NFIA: variants seen among roughly 807,000 people sequenced by gnomAD.
The protein encoded by NFIA is nuclear factor I A.
Under a neutral mutation model 62.8 loss-of-function variants are expected in NFIA, and 8 were observed. The observed-to-expected ratio is 0.13, with a 90% CI of 0.07 to 0.23. The LOEUF (loss-of-function observed/expected upper bound fraction) is 0.23. NFIA is among the 10% of genes least tolerant of loss of function. The pLI, the probability that NFIA is intolerant of heterozygous loss-of-function variation, is 1.00. For synonymous variants in NFIA, 235 were observed against 238.1 expected (o/e 0.99, Z 0.12); for missense variants, 410 against 642.1 (o/e 0.64, Z 3.91).
At chr1:61,247,093 G>A (rs1451366276) in intron 2 of NFIA, among the ~76,000 whole-genome samples, 1 of 152,156 alleles carries the variant, frequency 6.6e-6, no homozygotes, top group Non-Finnish European at 1.5e-5. Context: ...CATTCTTCCA[G>A]CCATCTGCCA....
chr1:61,150,840 A>T (rs911795445), intron 2 of NFIA, among the ~76,000 whole-genome samples: 4 of 152,168 alleles, frequency 2.6e-5, no homozygotes, highest in Non-Finnish European at 5.9e-5. Context: ...TTGGAAATTA[A>T]CAAAGACCAT....
At chr1:61,328,723 A>ATTT (rs35979153) in intron 3 of NFIA, among the ~76,000 whole-genome samples, 7,636 of 108,826 alleles carry the variant, frequency 0.07, 273 homozygotes, top group South Asian at 0.16. Flanking sequence ...CCGGCCTATA[A>ATTT]TTTTTTTTTT....
intron 2 of NFIA, among the ~76,000 whole-genome samples, chr1:61,113,614 AAAG>A (rs1463601076): frequency 2.6e-5 from 4 of 151,288 alleles, no homozygotes; most frequent in Non-Finnish European, 5.9e-5. Flanking sequence ...AAAAAAAAAA[AAAG>A]AGAATATGTT....
intron 2 of NFIA, chr1:61,124,733 T>A (rs1447342570): frequency 3.3e-5 from 5 of 152,184 alleles, no homozygotes; most frequent in Non-Finnish European, 5.9e-5. Context: ...GCAGTGCAAT[T>A]TTTTTCTTTA....
In NFIA at chr1:61,455,832, T is replaced by C. The variant is rs1397981106; in HGVS notation, c.*512T>C. On this transcript the variant is annotated 3_prime_UTR_variant, in exon 11 of 11. Coordinates refer to ENST00000403491, the MANE Select transcript of NFIA (RefSeq NM_001134673.4). ...ACGGGACAGTCAAAGGGCAATGTTT[T>C]TCTGTAACATATTGGAAAAAGAAAA... is the stretch of plus-strand genomic sequence containing the variant. 2 of 156,528 alleles carry C rather than the reference T, an allele frequency of 1.3e-5. No homozygotes were observed. Among genetic ancestry groups the C allele is most frequent in the Non-Finnish European group, 2.8e-5 (2 of 70,776 alleles). 9.7% of individuals were successfully genotyped at this position (156,528 alleles called of 1,614,324 possible). A position where few individuals can be genotyped will look rare whatever the true frequency, so the allele number is the denominator to read the frequency against.
chr1:61,421,129 G>A (rs1666600186), intron 9 of NFIA, among the ~76,000 whole-genome samples: 1 of 152,112 alleles, frequency 6.6e-6, no homozygotes, highest in Non-Finnish European at 1.5e-5. Context: ...TGTAAGGCTT[G>A]TCCTGTTCCT....
At chr1:61,216,870 G>A (rs1401215679) in intron 2 of NFIA, among the ~76,000 whole-genome samples, 2 of 151,604 alleles carry the variant, frequency 1.3e-5, no homozygotes, top group East Asian at 4.0e-4. Flanking sequence ...CGTGGTGGTG[G>A]GTGCCTGTAA....
At chr1:61,229,213 T>G (rs1364410479) in intron 2 of NFIA, among the ~76,000 whole-genome samples, 1 of 152,088 alleles carries the variant, frequency 6.6e-6, no homozygotes. Context: ...CTTGACCATT[T>G]TATTGAACTA....
At chr1:61,161,601 A>G (rs1435861370) in intron 2 of NFIA, among the ~76,000 whole-genome samples, 1 of 151,886 alleles carries the variant, frequency 6.6e-6, no homozygotes, top group Non-Finnish European at 1.5e-5. Flanking sequence ...ACACACACAC[A>G]CACACACACA....
chr1:61,207,299 G>T (rs926792780), intron 2 of NFIA, among the ~76,000 whole-genome samples: 2 of 152,076 alleles, frequency 1.3e-5, no homozygotes, highest in Non-Finnish European at 2.9e-5. Flanking sequence ...AATTATTTTT[G>T]AGTCATAAAC....
At chr1:61,267,089 A>G (rs1657219857) in intron 2 of NFIA, among the ~76,000 whole-genome samples, 1 of 152,202 alleles carries the variant, frequency 6.6e-6, no homozygotes, top group Non-Finnish European at 1.5e-5. Flanking sequence ...TCACTATACC[A>G]TAGCTACTTC....
intron 9 of NFIA, among the ~76,000 whole-genome samples, chr1:61,424,628 C>G (rs995032512): frequency 6.6e-6 from 1 of 152,038 alleles, no homozygotes; most frequent in Non-Finnish European, 1.5e-5. Context: ...TTTCCCTAAC[C>G]ACTAACAGGT....
chr1:61,426,579 G>A (rs889701411), intron 10 of NFIA, 23 bp downstream of exon 10: 8 of 1,514,272 alleles, frequency 5.3e-6, no homozygotes, highest in African/African-American at 1.4e-5. Flanking sequence ...CATCTTTTCT[G>A]TATGTGGTGC....
upstream of NFIA, among the ~76,000 whole-genome samples, chr1:61,081,286 C>T (rs1646091686): frequency 6.6e-6 from 1 of 151,738 alleles, no homozygotes; most frequent in African/African-American, 2.4e-5. Context: ...AGCAGGCTTA[C>T]TGGCAACTTG....
At chr1:61,287,201 T>C (rs1328153352) in intron 3 of NFIA, among the ~76,000 whole-genome samples, 1 of 152,178 alleles carries the variant, frequency 6.6e-6, no homozygotes. Context: ...GGAAGCAAAG[T>C]AGACAGAGTT....
At chr1:61,232,067 A>G (rs1010650017) in intron 2 of NFIA, among the ~76,000 whole-genome samples, 2 of 152,232 alleles carry the variant, frequency 1.3e-5, no homozygotes, top group Admixed American at 6.5e-5. Flanking sequence ...AGAACTCAAT[A>G]TGCAAAAAAG....
chr1:61,106,109 A>G (rs993215239), intron 2 of NFIA, among the ~76,000 whole-genome samples: 2 of 143,004 alleles, frequency 1.4e-5, no homozygotes, highest in African/African-American at 4.9e-5. Flanking sequence ...GCATCTATCT[A>G]TCTATCTATC....
chr1:61,089,695 CTTTTTTTTTTTTTTT>C (rs918196815), intron 2 of NFIA, among the ~76,000 whole-genome samples: 1 of 107,750 alleles, frequency 9.3e-6, no homozygotes, highest in Non-Finnish European at 2.0e-5. Context: ...GTTTTTTTTT[CTTTTTTTTTTTTTTT>C]TTTTACAAAG....
At chr1:61,247,273 C>T (rs1175781819) in intron 2 of NFIA, among the ~76,000 whole-genome samples, 1 of 152,204 alleles carries the variant, frequency 6.6e-6, no homozygotes, top group Non-Finnish European at 1.5e-5. Context: ...ATGGACAAAA[C>T]ATTAAGCTGA....
Sources: gnomAD v4.1 joint callset for allele counts (sites outside exome capture counted in the v4.1 genomes callset) on GRCh38, gnomAD v4.1.1 for gene constraint, MANE v1.5 for transcripts, NCBI Gene and HGNC (gene_info 2026-07-23, HGNC 2026-07-21) for gene names.